ANKS1B: variants seen among roughly 807,000 people sequenced by gnomAD.
ANKS1B encodes the protein ankyrin repeat and sterile alpha motif domain containing 1B, also known as ankyrin repeat and sterile alpha motif domain-containing protein 1B.
Under a neutral mutation model 148.3 loss-of-function variants are expected in ANKS1B, and 36 were observed. The observed-to-expected ratio is 0.24, with a 90% CI of 0.19 to 0.32. ANKS1B has a LOEUF of 0.32. Among genes scored for constraint, ANKS1B ranks in the 10% least tolerant of loss-of-function variants. The pLI, the probability that ANKS1B is intolerant of heterozygous loss-of-function variation, is 1.00. For missense variants in ANKS1B, 1,157 were observed against 1,542.6 expected (o/e 0.75, Z 4.19); for synonymous variants, 542 against 560.8 (o/e 0.97, Z 0.47).
chr12:98,787,571 T>C (rs934784333), intron 22 of ANKS1B, among the ~76,000 whole-genome samples: 16 of 152,108 alleles, frequency 1.1e-4, no homozygotes, highest in African/African-American at 3.9e-4. Flanking sequence ...TCCATGACTG[T>C]TAAAGGAACA....
At chr12:98,825,315 G>GA (rs1356600707) in intron 19 of ANKS1B, among the ~76,000 whole-genome samples, 1 of 152,134 alleles carries the variant, frequency 6.6e-6, no homozygotes, top group Non-Finnish European at 1.5e-5. Context: ...CTTTCAAATA[G>GA]AGAAGTAATT....
chr12:99,400,438 A>G (rs983278404), intron 11 of ANKS1B, among the ~76,000 whole-genome samples: 3 of 146,040 alleles, frequency 2.1e-5, no homozygotes, highest in Non-Finnish European at 3.0e-5. Flanking sequence ...AATAGCAAGA[A>G]AAGTCAATTT....
intron 8 of ANKS1B, among the ~76,000 whole-genome samples, chr12:99,740,761 G>A (rs193098265): frequency 1.3e-3 from 205 of 152,196 alleles, no homozygotes; most frequent in Non-Finnish European, 9.6e-4. Context: ...AGCTGAAGCT[G>A]GGTGGGGCAT....
intron 17 of ANKS1B, among the ~76,000 whole-genome samples, chr12:98,973,220 A>T (rs2153218249): frequency 7.4e-6 from 1 of 134,764 alleles, no homozygotes; most frequent in African/African-American, 3.3e-5. Flanking sequence ...ATGCAAAAAA[A>T]AAAAATAATA....
chr12:99,441,756 G>A (rs1279015459), intron 11 of ANKS1B, among the ~76,000 whole-genome samples: 2 of 151,728 alleles, frequency 1.3e-5, no homozygotes, highest in Non-Finnish European at 1.5e-5. Flanking sequence ...TTTAAGTAAC[G>A]ACAGCACCAA....
chr12:99,565,092 T>C (rs1173655300), intron 9 of ANKS1B, among the ~76,000 whole-genome samples: 3 of 152,208 alleles, frequency 2.0e-5, no homozygotes, highest in Non-Finnish European at 4.4e-5. Flanking sequence ...CTTAAAGAAT[T>C]ACAAAAATTA....
chr12:99,919,312 AAAAAGATTG>A (rs1227775550), intron 1 of ANKS1B, among the ~76,000 whole-genome samples: 1 of 152,220 alleles, frequency 6.6e-6, no homozygotes, highest in Non-Finnish European at 1.5e-5. Flanking sequence ...TGTGGAAGAA[AAAAAGATTG>A]AAGTATGCAA....
intron 12 of ANKS1B, among the ~76,000 whole-genome samples, chr12:99,321,557 C>T (rs145488483): frequency 5.6e-4 from 86 of 152,330 alleles, no homozygotes; most frequent in African/African-American, 1.8e-3. Flanking sequence ...GTTGGAAATG[C>T]GCAGTATTAG....
chr12:99,179,900 A>T (rs1217680197), intron 14 of ANKS1B, among the ~76,000 whole-genome samples: 1 of 152,194 alleles, frequency 6.6e-6, no homozygotes, highest in African/African-American at 2.4e-5. Flanking sequence ...TTGGCATTTA[A>T]GGTTCTCCAT....
intron 12 of ANKS1B, among the ~76,000 whole-genome samples, chr12:99,356,087 G>T (rs975184120): frequency 6.6e-6 from 1 of 152,040 alleles, no homozygotes; most frequent in Non-Finnish European, 1.5e-5. Flanking sequence ...AAGGAGTAAA[G>T]GGTACTCTTA....
intron 17 of ANKS1B, among the ~76,000 whole-genome samples, chr12:98,843,378 T>G (rs1038946291): frequency 2.0e-5 from 3 of 152,242 alleles, no homozygotes; most frequent in African/African-American, 7.2e-5. Flanking sequence ...GGGTTTTGCC[T>G]CTTCACACGT....
chr12:99,680,696 GC>G (rs2098609443), intron 8 of ANKS1B, among the ~76,000 whole-genome samples: 2 of 152,304 alleles, frequency 1.3e-5, no homozygotes, highest in South Asian at 2.1e-4. Context: ...GAGGGGTGAA[GC>G]CTGAAATCCC....
intron 17 of ANKS1B, among the ~76,000 whole-genome samples, chr12:98,928,963 A>G (rs2099811357): frequency 6.6e-6 from 1 of 152,028 alleles, no homozygotes; most frequent in South Asian, 2.1e-4. Context: ...AAAAGAAATC[A>G]ATGCATCTAG....
At chr12:99,553,417 T>C (rs1039315546) in intron 9 of ANKS1B, among the ~76,000 whole-genome samples, 4 of 142,562 alleles carry the variant, frequency 2.8e-5, no homozygotes, top group African/African-American at 1.2e-4. Flanking sequence ...ATCATCATTA[T>C]TAATACTGTT....
intron 2 of ANKS1B, among the ~76,000 whole-genome samples, chr12:99,813,458 A>C (rs1348583342): frequency 1.3e-5 from 2 of 151,418 alleles, no homozygotes; most frequent in African/African-American, 2.4e-5. Flanking sequence ...GAGGGTGAAC[A>C]TAACAGATTT....
intron 15 of ANKS1B, among the ~76,000 whole-genome samples, chr12:99,104,086 T>C (rs751708930): frequency 6.6e-6 from 1 of 152,122 alleles, no homozygotes; most frequent in Admixed American, 6.5e-5. Flanking sequence ...AGGATATTAA[T>C]AGATATGTGT....
rs369208055 is a variant in ANKS1B at position 99,205,475 on chromosome 12, A to C, written c.2419+38867T>G. The stretch of plus-strand genomic sequence containing the variant: ...ACTTAATCTTTTGACAATTCTGGCA[A>C]CCAACAAAGGGACCCAAATGACACT... On this transcript the variant is annotated intron_variant, in intron 14 of 26. Transcript: ENST00000683438. Among the ~76,000 whole-genome samples the C allele has an allele frequency of 1.5e-4, 23 of 152,312 alleles. 1 individual carries two copies. The South Asian group carries it at 4.6e-3, about 30-fold the overall frequency.
rs11306881 is a variant in ANKS1B at position 99,004,782 on chromosome 12, ATT to A, written c.2778+48373_2778+48374del. Among the ~76,000 whole-genome samples the A allele has an allele frequency of 4.2e-3, 624 of 147,070 alleles. 12 individuals carry two copies. In the East Asian group the frequency reaches 0.046, roughly 11 times the overall value. On this transcript the variant is annotated intron_variant, in intron 17 of 26. Transcript: ENST00000683438. ...CAGTATCAACAGACACTAAATAAACATTTTTTTTTTTTGGCTCATTGAATAAA... is the reference window on the plus strand; with the variant it reads ...CAGTATCAACAGACACTAAATAAACATTTTTTTTTTGGCTCATTGAATAAA...
chr12:99,172,916 A>G (rs1210300441), intron 14 of ANKS1B, among the ~76,000 whole-genome samples: 2 of 152,162 alleles, frequency 1.3e-5, no homozygotes, highest in Non-Finnish European at 2.9e-5. Flanking sequence ...AGCTATAATA[A>G]GTATTTACCT....
Sources: gnomAD v4.1 joint callset for allele counts (sites outside exome capture counted in the v4.1 genomes callset) on GRCh38, gnomAD v4.1.1 for gene constraint, MANE v1.5 for transcripts, NCBI Gene and HGNC (gene_info 2026-07-23, HGNC 2026-07-21) for gene names.